ERICH3: variants seen among roughly 807,000 people sequenced by gnomAD.
ERICH3 encodes glutamate-rich protein 3.
ERICH3 carries 126 observed loss-of-function variants against 131.1 expected under a neutral mutation model. That is an observed-to-expected ratio of 0.96 (90% confidence interval 0.83 to 1.11). The LOEUF is 1.11. Ranked by LOEUF, ERICH3 falls within the 50% of genes most tolerant of loss-of-function variation. The probability of loss-of-function intolerance (pLI) is 0.00; values close to 1 mark genes in which losing one functional copy is unlikely to be tolerated. For missense variants in ERICH3, 2,050 were observed against 1,810.7 expected, an observed-to-expected ratio of 1.13 and a Z score of -2.40; for synonymous variants, 695 against 644.6, an observed-to-expected ratio of 1.08 and a Z score of -1.18.
At chr1:74,581,105 A>C (rs566536511) in intron 12 of ERICH3, among the ~76,000 whole-genome samples, 47 of 152,204 alleles carry the variant, frequency 3.1e-4, no homozygotes, top group Non-Finnish European at 6.2e-4. Context: ...CTTCCAAATT[A>C]ATGAATTTTT....
At chr1:74,578,446 T>C (rs1477087407) in intron 12 of ERICH3, 1 of 152,294 alleles carries the variant, frequency 6.6e-6, no homozygotes, top group Non-Finnish European at 1.5e-5. Flanking sequence ...ATTACCCATA[T>C]CGTGAATTCC....
intron 6 of ERICH3, 24 bp from the exon 7 acceptor site, chr1:74,631,952 A>G (rs1646342646): frequency 6.3e-7 from 1 of 1,589,664 alleles, no homozygotes; most frequent in South Asian, 1.1e-5. Context: ...TCATCGCATA[A>G]GAACCAGTGA....
In ERICH3 at chr1:74,569,142, G is replaced by A. The variant is rs546805824; in HGVS notation, c.*1316C>T. ...GGATTATATGATGATTTAGAACAGC[G>A]GTTCTCAACCTTGGCTACAGAGAAG... is the stretch of plus-strand genomic sequence containing the variant. On this transcript the variant is annotated 3_prime_UTR_variant, in exon 15 of 15. Coordinates refer to ENST00000326665, the MANE Select transcript of ERICH3 (RefSeq NM_001002912.5). The A allele has an allele frequency of 7.2e-5, 11 of 152,198 alleles. No homozygotes were observed. Among genetic ancestry groups the A allele is most frequent in the Admixed American group, 1.3e-4 (2 of 15,286 alleles). 9.4% of individuals were successfully genotyped at this position (152,198 alleles called of 1,614,324 possible).
intron 1 of ERICH3, among the ~76,000 whole-genome samples, chr1:74,667,594 A>G (rs564191816): frequency 2.6e-5 from 4 of 152,348 alleles, no homozygotes; most frequent in African/African-American, 9.6e-5. Context: ...ACTTTACCTC[A>G]GGTTCTGAAT....
chr1:74,662,112 G>C (rs1646647609), intron 1 of ERICH3, among the ~76,000 whole-genome samples: 1 of 152,104 alleles, frequency 6.6e-6, no homozygotes, highest in Non-Finnish European at 1.5e-5. Context: ...CCTTCTCCCT[G>C]TCACAGCATT....
intron 9 of ERICH3, 33 bp downstream of exon 9, chr1:74,612,590 T>A (rs768885292): frequency 2.7e-6 from 4 of 1,488,366 alleles, no homozygotes; most frequent in East Asian, 2.3e-5. Flanking sequence ...GTAGCAAAAC[T>A]TGCCCTCTAC....
chr1:74,650,603 G>A (rs1470026982), intron 1 of ERICH3, among the ~76,000 whole-genome samples: 1 of 152,098 alleles, frequency 6.6e-6, no homozygotes, highest in African/African-American at 2.4e-5. Flanking sequence ...GTAAGTGACT[G>A]AAGGGTGGGT....
intron 10 of ERICH3, 118 bp from the exon 11 acceptor site, chr1:74,600,049 T>C (rs1247744356): frequency 1.4e-6 from 1 of 713,344 alleles, no homozygotes; most frequent in South Asian, 2.2e-5. Flanking sequence ...TTTCTTTGCT[T>C]CTTCTTTTTC....
chr1:74,590,586 C>G (rs554163233), intron 11 of ERICH3, among the ~76,000 whole-genome samples: 26 of 152,304 alleles, frequency 1.7e-4, no homozygotes, highest in African/African-American at 6.0e-4. Flanking sequence ...AATGTTTCCA[C>G]TGATCTAACA....
Position 74,668,923 on chromosome 1 carries a change from A to G in ERICH3, c.23+4574T>C, listed in dbSNP as rs564930972. 5.9e-5 allele frequency among the ~76,000 whole-genome samples: 9 copies of G among 152,188 alleles called. No individual in the cohort carries two copies. In the South Asian group the frequency reaches 1.2e-3, roughly 21 times the overall value. On this transcript the variant is annotated intron_variant, in intron 1 of 14. Coordinates refer to ENST00000326665, the MANE Select transcript of ERICH3 (RefSeq NM_001002912.5). ...TTTTGGTGGTGCAAGTGGGTAACAA[A>G]CAGACTAGAATGTTACTGTAGCTAT...
At chr1:74,672,496 A>G (rs1646751267) in intron 1 of ERICH3, among the ~76,000 whole-genome samples, 1 of 152,232 alleles carries the variant, frequency 6.6e-6, no homozygotes, top group Non-Finnish European at 1.5e-5. Context: ...ATTAAAAAGT[A>G]AAATCTTGAA....
intron 11 of ERICH3, among the ~76,000 whole-genome samples, chr1:74,597,087 A>T (rs1452280218): frequency 6.6e-6 from 1 of 152,088 alleles, no homozygotes; most frequent in Admixed American, 6.6e-5. Flanking sequence ...TTCAGTGGTC[A>T]CATATGCCTC....
intron 10 of ERICH3, among the ~76,000 whole-genome samples, chr1:74,603,004 G>A (rs970766789): frequency 6.6e-6 from 1 of 151,882 alleles, no homozygotes; most frequent in African/African-American, 2.4e-5. Context: ...AATCAAACAT[G>A]AAGTCTAGTG....
At chr1:74,631,503 T>C (rs1259002410) in intron 7 of ERICH3, among the ~76,000 whole-genome samples, 2 of 152,112 alleles carry the variant, frequency 1.3e-5, no homozygotes, top group Non-Finnish European at 2.9e-5. Context: ...TTAAATCTTT[T>C]ATTATTAATT....
intron 12 of ERICH3, among the ~76,000 whole-genome samples, chr1:74,585,379 G>A (rs1215855053): frequency 6.6e-6 from 1 of 152,118 alleles, no homozygotes; most frequent in Non-Finnish European, 1.5e-5. Flanking sequence ...CTGATTTGTT[G>A]ATGGACTGGA....
rs1180322736 is a variant in ERICH3, at chr1:74,595,813, G to A, written c.1726+3882C>T. The stretch of plus-strand genomic sequence containing the variant: ...GCCTTCCTACTTCGACAATTGAAAA[G>A]TGACTATGGATTGGGGAATTATTAC... On this transcript the variant is annotated intron_variant, in intron 11 of 14. Transcript: ENST00000326665. Among the ~76,000 whole-genome samples, 3 of 152,092 alleles carry A rather than the reference G, an allele frequency of 2.0e-5. No homozygotes were observed. In the East Asian group the frequency reaches 5.8e-4, roughly 29 times the overall value.
intron 1 of ERICH3, among the ~76,000 whole-genome samples, chr1:74,669,696 G>C (rs1646724181): frequency 6.6e-6 from 1 of 152,206 alleles, no homozygotes; most frequent in African/African-American, 2.4e-5. Flanking sequence ...ATCTTTGGCA[G>C]AAGTTTTAAA....
chr1:74,645,241 C>G (rs1044742638), intron 3 of ERICH3, among the ~76,000 whole-genome samples: 5 of 151,988 alleles, frequency 3.3e-5, no homozygotes, highest in Non-Finnish European at 7.4e-5. Context: ...CTTCAACACA[C>G]AGCCTCATAC....
At chr1:74,594,161 C>T (rs1570838057) in intron 11 of ERICH3, among the ~76,000 whole-genome samples, 1 of 151,992 alleles carries the variant, frequency 6.6e-6, no homozygotes, top group African/African-American at 2.4e-5. Context: ...TCAAAGTCTT[C>T]CCTAGTTTAT....
Sources: allele counts gnomAD v4.1 joint callset (sites outside exome capture counted in the v4.1 genomes callset), GRCh38; gene constraint gnomAD v4.1.1; transcripts MANE v1.5; gene names NCBI Gene and HGNC (gene_info 2026-07-23, HGNC 2026-07-21).